Variants in EXD3 observed in about 807,000 individuals in gnomAD.
EXD3 encodes exonuclease 3'-5' domain containing 3.
Under a neutral mutation model 98.0 loss-of-function variants are expected in EXD3, and 92 were observed. That is an observed-to-expected ratio of 0.94 (90% CI 0.79 to 1.12). The LOEUF is 1.12. Ranked by LOEUF, EXD3 falls within the 50% of genes most tolerant of loss-of-function variation. EXD3 has a pLI of 0.00. For missense variants in EXD3, 1,222 were observed against 1,191.6 expected, an observed-to-expected ratio of 1.03 and a Z score of -0.38; for synonymous variants, 569 against 526.0, an observed-to-expected ratio of 1.08 and a Z score of -1.12.
chr9:137,415,726 C>T (rs572465459), intron 1 of EXD3, among the ~76,000 whole-genome samples: 2 of 152,330 alleles, frequency 1.3e-5, no homozygotes, highest in East Asian at 3.9e-4. Context: ...GGCCAACAGT[C>T]CCCCATCAAG....
intron 19 of EXD3, among the ~76,000 whole-genome samples, chr9:137,316,063 C>T (rs1042074158): frequency 7.2e-6 from 1 of 137,970 alleles, no homozygotes; most frequent in African/African-American, 2.6e-5. Context: ...CCCCCTCGCC[C>T]CCCAGCTCTC....
chr9:137,388,642 CGGATGCTGGCAGG>C (rs991460739), intron 2 of EXD3, among the ~76,000 whole-genome samples: 11 of 152,144 alleles, frequency 7.2e-5, no homozygotes, highest in African/African-American at 2.4e-4. Flanking sequence ...CACCAGGCAG[CGGATGCTGGCAGG>C]GGACACCCGG....
At chr9:137,394,628 AG>A (rs1837114027) in intron 2 of EXD3, among the ~76,000 whole-genome samples, 1 of 152,104 alleles carries the variant, frequency 6.6e-6, no homozygotes, top group Non-Finnish European at 1.5e-5. Flanking sequence ...CTCGATCTGT[AG>A]GAACAGGAGG....
intron 1 of EXD3, among the ~76,000 whole-genome samples, chr9:137,418,759 G>A (rs545308472): frequency 6.6e-6 from 1 of 151,000 alleles, no homozygotes; most frequent in African/African-American, 2.5e-5. Context: ...TTTATCTTCT[G>A]AGTAAACAGA....
At chr9:137,392,793 C>T (rs1393052797) in intron 2 of EXD3, 8 of 261,102 alleles carry the variant, frequency 3.1e-5, no homozygotes, top group East Asian at 1.1e-4. Flanking sequence ...CAGGGGGCAT[C>T]GAGGCTGTTC....
intron 17 of EXD3, among the ~76,000 whole-genome samples, chr9:137,328,487 A>ATATACACTCATAT (rs1832623250): frequency 2.7e-3 from 12 of 4,444 alleles, no homozygotes; most frequent in Non-Finnish European, 0.011. Context: ...TAAAAACAAA[A>ATATACACTCATAT]GTAAAAACAA....
At chr9:137,319,281 G>A (rs4074997) in intron 19 of EXD3, among the ~76,000 whole-genome samples, 1,955 of 152,354 alleles carry the variant, frequency 0.013, 42 homozygotes, top group African/African-American at 0.043. Flanking sequence ...CTGTGGCTGC[G>A]GTGGCAGGCC....
intron 12 of EXD3, 83 bp downstream of exon 12, chr9:137,351,983 G>A (rs1368366426): frequency 6.7e-6 from 10 of 1,496,894 alleles, no homozygotes; most frequent in South Asian, 3.9e-5. Flanking sequence ...GCCTCTCTCC[G>A]AATGCCATGC....
chr9:137,341,061 A>G (rs756677410), intron 17 of EXD3, among the ~76,000 whole-genome samples: 20 of 152,250 alleles, frequency 1.3e-4, no homozygotes, highest in Non-Finnish European at 2.5e-4. Context: ...CACACCTGTA[A>G]TCCCAGCACT....
intron 4 of EXD3, 79 bp downstream of exon 4, chr9:137,373,347 G>A (rs1275440739): frequency 6.6e-7 from 1 of 1,510,162 alleles, no homozygotes; most frequent in Non-Finnish European, 9.0e-7. Context: ...CAAAGGCCTG[G>A]GCAGGTGGAT....
Position 137,393,970 on chromosome 9 carries a change from C to T in EXD3, c.55+1333G>A, listed in dbSNP as rs566603039. Among the ~76,000 whole-genome samples the T allele has an allele frequency of 2.7e-3, 405 of 152,296 alleles. 2 individuals are homozygous for T. Among genetic ancestry groups the T allele is most frequent in the African/African-American group, 9.0e-3 (372 of 41,550 alleles). ...CGGCACCCCCTTCTCACCCTCTGCC[C>T]ACAAAGCCATGGCCCCGGACAGCTC... On this transcript the variant is annotated intron_variant, in intron 2 of 21. Transcript: ENST00000340951. This position sits in a 1 kb window ranked among gnomAD's most constrained non-coding sequence, Gnocchi z 4.6.
chr9:137,388,390 G>A (rs971147174), intron 2 of EXD3, among the ~76,000 whole-genome samples: 2 of 152,180 alleles, frequency 1.3e-5, no homozygotes, highest in African/African-American at 4.8e-5. Flanking sequence ...AGGATGGGCA[G>A]AACACAGGGA....
At chr9:137,346,148 A>G (rs1199675331) in intron 17 of EXD3, among the ~76,000 whole-genome samples, 1 of 147,264 alleles carries the variant, frequency 6.8e-6, no homozygotes, top group Non-Finnish European at 1.5e-5. Flanking sequence ...CTGAGGCAGG[A>G]GAATGGCATG....
At chr9:137,408,653 C>T (rs943546135) in intron 1 of EXD3, among the ~76,000 whole-genome samples, 4 of 152,016 alleles carry the variant, frequency 2.6e-5, no homozygotes, top group Admixed American at 6.6e-5. Context: ...TCCAGCACAG[C>T]TGAACCGGCC....
In EXD3 at chr9:137,351,136, C is replaced by G; in HGVS notation, c.1396G>C (p.Val466Leu). 1.3e-6 allele frequency: 2 copies of G among 1,576,782 alleles called. No individual in the cohort carries two copies. The highest frequency in any genetic ancestry group is 1.7e-6 in the Non-Finnish European group (2 of 1,162,086). The change falls in exon 14 of 22, where the codon GTG becomes CTG. Residue 466 changes from valine (V) to leucine (L), a missense_variant. By Grantham distance (32) the Val-to-Leu change is conservative (BLOSUM62 1). Transcript: ENST00000340951. ...PSITKLGYGMVGDLQKLGTSC... is the reference protein window; with the variant it reads ...PSITKLGYGMLGDLQKLGTSC... ...GTGCCCAGTTTTTGCAGGTCCCCCA[C>G]CATCCCGTAGCCTGTGGGCAGGAAC... is the stretch of plus-strand genomic sequence containing the variant.
At chr9:137,387,508 G>A (rs1242880504) in intron 2 of EXD3, among the ~76,000 whole-genome samples, 3 of 152,114 alleles carry the variant, frequency 2.0e-5, no homozygotes, top group Admixed American at 6.5e-5. Flanking sequence ...TACAACAGAA[G>A]AAAAACAGGA....
intron 2 of EXD3, among the ~76,000 whole-genome samples, chr9:137,384,985 G>A (rs373177680): frequency 5.3e-5 from 8 of 152,090 alleles, no homozygotes; most frequent in African/African-American, 1.9e-4. Flanking sequence ...CCAGCTACTC[G>A]GGAGGCTGAG....
At chr9:137,376,798 A>G (rs1835927001) in intron 3 of EXD3, among the ~76,000 whole-genome samples, 2 of 152,008 alleles carry the variant, frequency 1.3e-5, no homozygotes, top group African/African-American at 2.4e-5. Flanking sequence ...GCATGGTGGC[A>G]CATGCCTGTA....
chr9:137,412,003 G>GGCACC (rs1588440664), intron 1 of EXD3, among the ~76,000 whole-genome samples: 1 of 152,132 alleles, frequency 6.6e-6, no homozygotes, highest in East Asian at 1.9e-4. Flanking sequence ...TGGGCTGTGT[G>GGCACC]CCCCCCAGGT....
Sources: gnomAD v4.1 joint callset for allele counts (sites outside exome capture counted in the v4.1 genomes callset) on GRCh38, gnomAD v4.1.1 for gene constraint, Gnocchi (gnomAD v3.1) non-coding constraint, MANE v1.5 for transcripts, NCBI Gene and HGNC (gene_info 2026-07-23, HGNC 2026-07-21) for gene names.